MTSS1: variants seen among roughly 807,000 people sequenced by gnomAD.
MTSS1 encodes the protein MTSS I-BAR domain containing 1.
Under a neutral mutation model 79.0 loss-of-function variants are expected in MTSS1, and 18 were observed. That is an observed-to-expected ratio of 0.23 (90% CI 0.16 to 0.34). MTSS1 has a LOEUF of 0.34. Among genes scored for constraint, MTSS1 ranks in the 10% least tolerant of loss-of-function variants. The pLI, the probability that MTSS1 is intolerant of heterozygous loss-of-function variation, is 1.00. For missense variants in MTSS1, 815 were observed against 986.2 expected (o/e 0.83, Z 2.33); for synonymous variants, 341 against 368.6 (o/e 0.93, Z 0.86).
At chr8:124,634,216 C>A (rs540670519) in intron 3 of MTSS1, among the ~76,000 whole-genome samples, 24 of 151,826 alleles carry the variant, frequency 1.6e-4, no homozygotes, top group Non-Finnish European at 2.6e-4. Context: ...CGCAAGCAAT[C>A]CTCCCACCTG....
At position 124,624,062 on chromosome 8, in the gene MTSS1, T is replaced by C. The variant is rs115016213; in HGVS notation, c.209-32827A>G. Among the ~76,000 whole-genome samples the C allele has an allele frequency of 4.4e-3, 673 of 152,352 alleles. 4 individuals are homozygous for C. Among genetic ancestry groups the C allele is most frequent in the African/African-American group, 0.015 (633 of 41,584 alleles). ...CAACCATTGCTTCGTGTGGGTGAAC[T>C]GATATGTGCTGTTACACCAGCTTAA... On this transcript the variant is annotated intron_variant, in intron 3 of 13. Transcript: ENST00000518547.
intron 3 of MTSS1, among the ~76,000 whole-genome samples, chr8:124,614,871 A>G (rs919545): frequency 0.99 from 151,597 of 152,360 alleles, 75,419 homozygotes; most frequent in Middle Eastern, 1. Flanking sequence ...AGACTCTAGG[A>G]TTAGTCAATA....
chr8:124,595,690 T>C (rs1832636592), intron 3 of MTSS1, among the ~76,000 whole-genome samples: 1 of 152,134 alleles, frequency 6.6e-6, no homozygotes, highest in African/African-American at 2.4e-5. Context: ...CAGAGACCCC[T>C]TTGGCCACGT....
chr8:124,600,683 C>G (rs1419761000), intron 3 of MTSS1, among the ~76,000 whole-genome samples: 5 of 152,180 alleles, frequency 3.3e-5, no homozygotes, highest in African/African-American at 1.2e-4. Context: ...GATCATGACC[C>G]CCACTCCTCC....
rs370378066 is a variant in MTSS1, at chr8:124,726,988, T to G, written c.72+896A>C. ...CTGGATGAATAACACGGGGCCCTGG[T>G]CTATCTCTAGGCACCAGAAAATCCA... On this transcript the variant is annotated intron_variant, in intron 1 of 13. Coordinates refer to ENST00000518547, the MANE Select transcript of MTSS1 (RefSeq NM_014751.6). Among the ~76,000 whole-genome samples the G allele has an allele frequency of 2.0e-3, 305 of 152,188 alleles. 1 individual carries two copies. Among genetic ancestry groups the G allele is most frequent in the African/African-American group, 6.8e-3 (282 of 41,514 alleles).
At chr8:124,566,669 T>C (rs1826566303) in intron 8 of MTSS1, among the ~76,000 whole-genome samples, 1 of 152,190 alleles carries the variant, frequency 6.6e-6, no homozygotes, top group African/African-American at 2.4e-5. Context: ...CGACGTGTTC[T>C]TAGGAGGGTT....
At chr8:124,660,471 CA>C (rs1821824340) in intron 3 of MTSS1, among the ~76,000 whole-genome samples, 2 of 150,268 alleles carry the variant, frequency 1.3e-5, no homozygotes, top group Non-Finnish European at 1.5e-5. Context: ...CACACACACA[CA>C]CCCTCAAGCT....
intron 3 of MTSS1, among the ~76,000 whole-genome samples, chr8:124,654,114 G>A (rs936809223): frequency 3.9e-5 from 6 of 152,174 alleles, no homozygotes; most frequent in African/African-American, 9.7e-5. Context: ...GTAATGAGGT[G>A]TATCATCGTC....
At chr8:124,681,205 T>TAA (rs765690095) in intron 3 of MTSS1, among the ~76,000 whole-genome samples, 5,927 of 126,008 alleles carry the variant, frequency 0.047, 401 homozygotes, top group African/African-American at 0.16. Context: ...CTGTGACATT[T>TAA]AAAAAAAAAA....
intron 1 of MTSS1, among the ~76,000 whole-genome samples, chr8:124,724,535 C>T (rs1035790729): frequency 6.6e-6 from 1 of 152,202 alleles, no homozygotes; most frequent in African/African-American, 2.4e-5. Flanking sequence ...TCTCGACATG[C>T]TGATTCTTGA....
chr8:124,728,046 C>T lies in MTSS1; in HGVS notation c.-91G>A. 1 of 1,168,320 alleles carries T rather than the reference C, an allele frequency of 8.6e-7. No homozygotes were observed. The highest frequency in any genetic ancestry group is 1.2e-6 in the Non-Finnish European group (1 of 810,190). The allele number at this position is 1,168,320 out of a possible 1,614,324, so 72.4% of individuals were successfully genotyped here. A position where few individuals can be genotyped will look rare whatever the true frequency, so the allele number is the denominator to read the frequency against. On this transcript the variant is annotated 5_prime_UTR_variant, in exon 1 of 14. Transcript: ENST00000518547. This position sits in a 1 kb window ranked among gnomAD's most constrained non-coding sequence, Gnocchi z 6.1. ...TCGCTCACCCCAGAAGGAATTTCAC[C>T]TTCCGAGAGACCCACCTCGGACTCG...
chr8:124,631,879 T>C (rs1816024478), intron 3 of MTSS1, among the ~76,000 whole-genome samples: 1 of 152,210 alleles, frequency 6.6e-6, no homozygotes, highest in African/African-American at 2.4e-5. Context: ...ACTCGGCTCT[T>C]CCACTGCAGC....
chr8:124,727,975 C>T lies in MTSS1; in HGVS notation c.-20G>A, dbSNP rs1051316306. The T allele has an allele frequency of 1.9e-6, 3 of 1,606,328 alleles. No homozygotes were observed. The highest frequency in any genetic ancestry group is 2.5e-6 in the Non-Finnish European group (3 of 1,176,656). On this transcript the variant is annotated 5_prime_UTR_variant, in exon 1 of 14. Transcript: ENST00000518547. The surrounding 1 kb of genome is among the most constrained non-coding windows in gnomAD (Gnocchi z 4.7). The stretch of plus-strand genomic sequence containing the variant: ...CTCCATTTTCCCGGCTCCGGCAGGG[C>T]GAGGGCACACACGCGGGGCCGCTGG...
At chr8:124,667,136 T>C (rs986649988) in intron 3 of MTSS1, among the ~76,000 whole-genome samples, 16 of 152,010 alleles carry the variant, frequency 1.1e-4, no homozygotes, top group African/African-American at 3.6e-4. Flanking sequence ...GGATTTGATT[T>C]GAGATGGTGA....
At chr8:124,671,468 A>G (rs1563971306) in intron 3 of MTSS1, among the ~76,000 whole-genome samples, 1 of 152,158 alleles carries the variant, frequency 6.6e-6, no homozygotes, top group African/African-American at 2.4e-5. Context: ...AGCCCCCTTC[A>G]CTAGTCTCGC....
intron 7 of MTSS1, chr8:124,568,087 C>T: frequency 1.3e-6 from 1 of 776,256 alleles, no homozygotes; most frequent in South Asian, 2.7e-5. Context: ...GCATTTCTAG[C>T]CAGTTCCCAC....
rs1335766956 is a variant in MTSS1 at position 124,727,141 on chromosome 8, C to T, written c.72+743G>A. On this transcript the variant is annotated intron_variant, in intron 1 of 13. Transcript: ENST00000518547. This position sits in a 1 kb window ranked among gnomAD's most constrained non-coding sequence, Gnocchi z 4.7. The stretch of plus-strand genomic sequence containing the variant: ...GCACACACACACCATCTTCACAACC[C>T]TTCCAAGAGAAAACCTAGAGTGTGT... Among the ~76,000 whole-genome samples, 1 of 152,166 alleles carries T rather than the reference C, an allele frequency of 6.6e-6. No homozygotes were observed. The highest frequency in any genetic ancestry group is 2.4e-5 in the African/African-American group (1 of 41,472).
chr8:124,614,437 G>A (rs928590859), intron 3 of MTSS1, among the ~76,000 whole-genome samples: 1 of 152,192 alleles, frequency 6.6e-6, no homozygotes, highest in Non-Finnish European at 1.5e-5. Context: ...TCCCAATGTG[G>A]AGACAGGGGA....
At chr8:124,579,879 C>A (rs1240551869) in intron 6 of MTSS1, 1 of 152,498 alleles carries the variant, frequency 6.6e-6, no homozygotes, top group Admixed American at 6.5e-5. Flanking sequence ...GGGACAGCAA[C>A]AAGACTCCAA....
Sources: allele counts gnomAD v4.1 joint callset (sites outside exome capture counted in the v4.1 genomes callset), GRCh38; gene constraint gnomAD v4.1.1; non-coding constraint Gnocchi (gnomAD v3.1); transcripts MANE v1.5; gene names NCBI Gene and HGNC (gene_info 2026-07-23, HGNC 2026-07-21).